The following SLC20A2 variants were observed in gnomAD, a reference collection of about 807,000 sequenced individuals.
SLC20A2 encodes the protein solute carrier family 20 member 2.
A neutral mutation model predicts 61.0 loss-of-function variants in SLC20A2; 30 were observed. The ratio of observed to expected loss-of-function variants is 0.49; its 90% CI spans 0.37 to 0.67. SLC20A2 has a LOEUF of 0.67. Ranked by LOEUF, SLC20A2 falls within the 30% of genes least tolerant of loss-of-function variation. SLC20A2 has a pLI of 0.00. For missense variants in SLC20A2, 626 were observed against 866.4 expected, an observed-to-expected ratio of 0.72 and a Z score of 3.48; for synonymous variants, 351 against 353.3, an observed-to-expected ratio of 0.99 and a Z score of 0.07.
At chr8:42,520,619 G>A (rs1056270780) in intron 1 of SLC20A2, among the ~76,000 whole-genome samples, 7 of 116,318 alleles carry the variant, frequency 6.0e-5, no homozygotes, top group African/African-American at 1.8e-4. Flanking sequence ...CCAGCTACTC[G>A]GGAGGCTGAG....
chr8:42,531,628 C>G lies in SLC20A2; in HGVS notation c.-265+10193G>C, dbSNP rs142322475. On this transcript the variant is annotated intron_variant, in intron 1 of 10. Coordinates refer to the SLC20A2 transcript ENST00000342228. ...CAAAAGCTCCATTTTCACAATGCTA[C>G]AACTACAGGGTCCAGAGGGGTAAGA... is the stretch of plus-strand genomic sequence containing the variant. 2.1e-3 allele frequency among the ~76,000 whole-genome samples: 327 copies of G among 152,272 alleles called. 1 individual carries two copies. Among genetic ancestry groups the G allele is most frequent in the South Asian group, 4.6e-3 (22 of 4,826 alleles).
At chr8:42,503,134 C>T (rs963105754), upstream of SLC20A2, among the ~76,000 whole-genome samples, 3 of 152,186 alleles carry the variant, frequency 2.0e-5, no homozygotes, top group African/African-American at 4.8e-5. Flanking sequence ...AGCAGCCACA[C>T]CTGTTCCACA....
At chr8:42,420,827 C>T (rs143019173) in intron 10 of SLC20A2, among the ~76,000 whole-genome samples, 92 of 152,290 alleles carry the variant, frequency 6.0e-4, no homozygotes, top group African/African-American at 1.9e-3. Flanking sequence ...TTCATCATCC[C>T]ACGGGGAAAC....
chr8:42,431,075 A>T (rs1586005666), intron 8 of SLC20A2, among the ~76,000 whole-genome samples: 1 of 152,232 alleles, frequency 6.6e-6, no homozygotes, highest in Admixed American at 6.5e-5. Context: ...GAAGAGTTGC[A>T]TGTCTCTCAG....
At chr8:42,486,971 A>G (rs985165740) in intron 1 of SLC20A2, among the ~76,000 whole-genome samples, 13 of 151,898 alleles carry the variant, frequency 8.6e-5, no homozygotes, top group Non-Finnish European at 1.8e-4. Flanking sequence ...GGTTCAAGTG[A>G]TTCTCCTGCC....
rs751587953 is a variant in SLC20A2, at chr8:42,465,816, C to G, written c.391G>C (p.Gly131Arg). The stretch of plus-strand genomic sequence containing the variant: ...TCCATCCACTGCACACCTTTGGTAC[C>G]GATTGCGACCAGTGAGAATCCTATA... The part of the protein sequence containing the change: ...STIGFSLVAI[G>R]TKGVQWMELV... The change falls in exon 3 of 11, where the codon GGT becomes CGT. Residue 131 changes from glycine (G) to arginine (R), a missense_variant. Coordinates refer to ENST00000520262, the MANE Select transcript of SLC20A2 (RefSeq NM_001257180.2). 8.1e-6 allele frequency: 13 copies of G among 1,613,840 alleles called. No individual in the cohort carries two copies. The highest frequency in any genetic ancestry group is 1.0e-5 in the Non-Finnish European group (12 of 1,179,980).
At chr8:42,436,863 C>A in intron 8 of SLC20A2, 126 bp downstream of exon 8, 1 of 826,224 alleles carries the variant, frequency 1.2e-6, no homozygotes, top group East Asian at 2.7e-5. Context: ...CCACCGCCTG[C>A]GCACCCCTAT....
intron 8 of SLC20A2, among the ~76,000 whole-genome samples, chr8:42,436,303 G>A (rs1804248688): frequency 6.6e-6 from 1 of 152,000 alleles, no homozygotes; most frequent in African/African-American, 2.4e-5. Context: ...GTACACGGCC[G>A]CTGCCTGCTC....
intron 1 of SLC20A2, among the ~76,000 whole-genome samples, chr8:42,533,590 C>G (rs149306208): frequency 6.7e-6 from 1 of 150,176 alleles, no homozygotes; most frequent in East Asian, 2.0e-4. Context: ...ATTGCGTCGT[C>G]ATCACACTCC....
At chr8:42,506,976 C>T (rs893578904) in intron 1 of SLC20A2, among the ~76,000 whole-genome samples, 2 of 152,188 alleles carry the variant, frequency 1.3e-5, no homozygotes, top group Non-Finnish European at 2.9e-5. Flanking sequence ...GAGAAGGCCA[C>T]ATGGAGTGGG....
At chr8:42,429,125 T>C (rs188236213) in intron 9 of SLC20A2, among the ~76,000 whole-genome samples, 83 of 152,324 alleles carry the variant, frequency 5.4e-4, no homozygotes, top group African/African-American at 1.6e-3. Context: ...TGCAATAAGA[T>C]AGTAAATCAG....
intron 1 of SLC20A2, among the ~76,000 whole-genome samples, chr8:42,531,870 G>A (rs940478861): frequency 8.6e-5 from 13 of 150,802 alleles, no homozygotes; most frequent in Non-Finnish European, 1.8e-4. Context: ...CCAGGCTGGA[G>A]TGCAGTGGCG....
chr8:42,460,042 T>G lies in SLC20A2; in HGVS notation c.517-50A>C, dbSNP rs758243336. 3.8e-6 allele frequency: 4 copies of G among 1,056,800 alleles called. No individual in the cohort carries two copies. The African/African-American group carries it at 6.2e-5, about 16-fold the overall frequency. The allele number at this position is 1,056,800 out of a possible 1,614,324, so 65.5% of individuals were successfully genotyped here. A position where few individuals can be genotyped will look rare whatever the true frequency, so the allele number is the denominator to read the frequency against. On this transcript the variant is annotated intron_variant, in intron 4 of 10. Transcript: ENST00000520262. ...TGGAAGGTCAGGATCCCAGCAGCAT[T>G]TGGAGCCAACACAGACAAAATGATA...
At chr8:42,421,444 A>G (rs1250825597) in intron 10 of SLC20A2, among the ~76,000 whole-genome samples, 2 of 152,202 alleles carry the variant, frequency 1.3e-5, no homozygotes, top group Non-Finnish European at 2.9e-5. Context: ...CTGATGAACA[A>G]GTGCTGGATT....
intron 10 of SLC20A2, among the ~76,000 whole-genome samples, chr8:42,427,285 G>A (rs1381642778): frequency 3.9e-5 from 6 of 152,246 alleles, no homozygotes; most frequent in Non-Finnish European, 7.3e-5. Context: ...TGGAGTGCTT[G>A]CCCCAGGCAC....
rs1330993634 is a variant in SLC20A2 at position 42,521,500 on chromosome 8, T to C, written c.-265+20321A>G. 1.7e-5 allele frequency among the ~76,000 whole-genome samples: 2 copies of C among 120,288 alleles called. 1 individual carries two copies. Among genetic ancestry groups the C allele is most frequent in the Non-Finnish European group, 4.0e-5 (2 of 50,050 alleles). The allele number at this position is 120,288 out of a possible 152,430, so 78.9% of individuals were successfully genotyped here. A position where few individuals can be genotyped will look rare whatever the true frequency, so the allele number is the denominator to read the frequency against. The stretch of plus-strand genomic sequence containing the variant: ...GTGATGAATCGATCCTGTATTTTTT[T>C]TCTTCTTGAGACAGGGTCTCCCTCT... On this transcript the variant is annotated intron_variant, in intron 1 of 10. Transcript: ENST00000342228.
At chr8:42,459,669 C>G (rs1253015514) in intron 5 of SLC20A2, among the ~76,000 whole-genome samples, 1 of 152,104 alleles carries the variant, frequency 6.6e-6, no homozygotes, top group Non-Finnish European at 1.5e-5. Context: ...CTACATATCT[C>G]TTGGGTATTT....
intron 1 of SLC20A2, among the ~76,000 whole-genome samples, chr8:42,516,989 G>A (rs942950436): frequency 2.6e-5 from 4 of 152,168 alleles, no homozygotes; most frequent in East Asian, 1.9e-4. Flanking sequence ...ACTTGAGACC[G>A]TCCACCACCC....
chr8:42,435,341 C>G (rs979505186), intron 8 of SLC20A2, among the ~76,000 whole-genome samples: 2 of 152,094 alleles, frequency 1.3e-5, no homozygotes, highest in African/African-American at 4.8e-5. Flanking sequence ...ACGGCACAGT[C>G]CCCTGAAAGG....
Sources: allele counts gnomAD v4.1 joint callset (sites outside exome capture counted in the v4.1 genomes callset), GRCh38; gene constraint gnomAD v4.1.1; transcripts MANE v1.5; gene names NCBI Gene and HGNC (gene_info 2026-07-23, HGNC 2026-07-21).